Variants in PDE4D observed in about 807,000 individuals in gnomAD.
PDE4D encodes the protein phosphodiesterase 4D, also known as 3',5'-cyclic-AMP phosphodiesterase 4D.
PDE4D carries 24 observed loss-of-function variants against 87.4 expected under a neutral mutation model. That is an observed-to-expected ratio of 0.27 (90% CI 0.20 to 0.39). The LOEUF (loss-of-function observed/expected upper bound fraction) is 0.39, where lower values mean the gene tolerates loss of function less well. Ranked by LOEUF, PDE4D falls within the 10% of genes least tolerant of loss-of-function variation. The pLI, the probability that PDE4D is intolerant of heterozygous loss-of-function variation, is 1.00. For synonymous variants in PDE4D, 384 were observed against 383.2 expected, an observed-to-expected ratio of 1.00 and a Z score of -0.02; for missense variants, 714 against 1,041.0, an observed-to-expected ratio of 0.69 and a Z score of 4.32.
At chr5:59,759,906 G>A (rs576464388) in intron 1 of PDE4D, among the ~76,000 whole-genome samples, 45 of 152,324 alleles carry the variant, frequency 3.0e-4, no homozygotes, top group Middle Eastern at 3.4e-3. Flanking sequence ...AAGAGACAGA[G>A]AAAAGATAAC....
intron 2 of PDE4D, 184 bp downstream of exon 2, chr5:59,215,588 TTAATC>T: frequency 1.8e-6 from 1 of 549,690 alleles, no homozygotes; most frequent in Non-Finnish European, 3.3e-6. Context: ...TGTGTGTGTG[TTAATC>T]AAGAGTGACA....
intron 1 of PDE4D, among the ~76,000 whole-genome samples, chr5:59,288,778 A>G (rs1367181140): frequency 6.6e-6 from 1 of 152,142 alleles, no homozygotes; most frequent in Non-Finnish European, 1.5e-5. Context: ...GAAACCTTAT[A>G]GGGCAGGAGA....
chr5:59,707,232 C>T (rs1196932670), intron 1 of PDE4D, among the ~76,000 whole-genome samples: 2 of 152,068 alleles, frequency 1.3e-5, no homozygotes, highest in Non-Finnish European at 2.9e-5. Flanking sequence ...TCAGAGATAG[C>T]AAATGGAAAA....
intron 1 of PDE4D, among the ~76,000 whole-genome samples, chr5:60,423,207 A>G (rs905716135): frequency 6.6e-6 from 1 of 152,252 alleles, no homozygotes; most frequent in Non-Finnish European, 1.5e-5. Context: ...ATAGACATCT[A>G]CAGAACTCTC....
At chr5:59,846,454 A>T (rs1743864236) in intron 1 of PDE4D, among the ~76,000 whole-genome samples, 1 of 152,032 alleles carries the variant, frequency 6.6e-6, no homozygotes, top group Non-Finnish European at 1.5e-5. Flanking sequence ...TTTCCGTAGA[A>T]ATTCTGACTC....
intron 1 of PDE4D, among the ~76,000 whole-genome samples, chr5:59,459,597 A>T (rs1309674429): frequency 6.6e-6 from 1 of 152,218 alleles, no homozygotes; most frequent in Admixed American, 6.5e-5. Context: ...TGGTCAGATG[A>T]TCCTATGATA....
intron 2 of PDE4D, among the ~76,000 whole-genome samples, chr5:60,048,437 A>G (rs1044644324): frequency 6.6e-6 from 1 of 150,666 alleles, no homozygotes; most frequent in Non-Finnish European, 1.5e-5. Context: ...TTGCTCGTTA[A>G]TCGATGCAGT....
intron 1 of PDE4D, among the ~76,000 whole-genome samples, chr5:59,617,718 T>C (rs1305372437): frequency 1.3e-5 from 2 of 152,190 alleles, no homozygotes; most frequent in African/African-American, 4.8e-5. Flanking sequence ...CCTAGCTCCT[T>C]TACAGGGAGC....
intron 1 of PDE4D, among the ~76,000 whole-genome samples, chr5:60,442,234 T>C (rs1000791920): frequency 1.1e-4 from 16 of 152,142 alleles, no homozygotes; most frequent in Non-Finnish European, 1.9e-4. Flanking sequence ...ATGTGGCACA[T>C]ATATACCATG....
intron 1 of PDE4D, among the ~76,000 whole-genome samples, chr5:60,255,626 T>C (rs1042377504): frequency 1.3e-5 from 2 of 151,840 alleles, no homozygotes; most frequent in African/African-American, 4.8e-5. Flanking sequence ...TATATTGTTA[T>C]AAGAAGTAAA....
chr5:59,120,412 A>G (rs1304083477), intron 5 of PDE4D, among the ~76,000 whole-genome samples: 3 of 152,180 alleles, frequency 2.0e-5, no homozygotes, highest in Non-Finnish European at 2.9e-5. Context: ...ATACATATGA[A>G]TCAAGTCTAT....
intron 5 of PDE4D, among the ~76,000 whole-genome samples, chr5:59,064,710 A>G (rs1763625609): frequency 6.6e-6 from 1 of 152,106 alleles, no homozygotes; most frequent in Non-Finnish European, 1.5e-5. Flanking sequence ...AACTTTTAAA[A>G]ATGTATTTAG....
chr5:60,316,692 C>T (rs1755637572), intron 1 of PDE4D, among the ~76,000 whole-genome samples: 2 of 152,100 alleles, frequency 1.3e-5, no homozygotes, highest in Non-Finnish European at 2.9e-5. Flanking sequence ...GAGTTTTTAG[C>T]ATGAAGGGCT....
At chr5:59,988,478 G>A (rs1455113746) in intron 3 of PDE4D, 2 of 1,536,640 alleles carry the variant, frequency 1.3e-6, no homozygotes, top group Non-Finnish European at 8.9e-7. Flanking sequence ...TGACATCTGA[G>A]GGCACTCACC....
chr5:59,191,501 C>T lies in PDE4D; in HGVS notation c.684+1999G>A, dbSNP rs1051516492. ...GTTCTATGTTTGATGATGTTACTTACATTGTTATGCCATATTTTGTCTGTT... is the reference window on the plus strand; with the variant it reads ...GTTCTATGTTTGATGATGTTACTTATATTGTTATGCCATATTTTGTCTGTT... On this transcript the variant is annotated intron_variant, in intron 3 of 14. Coordinates refer to ENST00000340635, the MANE Select transcript of PDE4D (RefSeq NM_001104631.2). 3.3e-5 allele frequency among the ~76,000 whole-genome samples: 5 copies of T among 152,158 alleles called. No homozygotes were observed. In the East Asian group the frequency reaches 5.8e-4, roughly 18 times the overall value.
At chr5:59,915,194 T>C (rs1753907814) in intron 3 of PDE4D, among the ~76,000 whole-genome samples, 1 of 152,142 alleles carries the variant, frequency 6.6e-6, no homozygotes, top group African/African-American at 2.4e-5. Context: ...AACTCTCTTT[T>C]GTGGCTGAAG....
chr5:59,112,966 A>T (rs1353100905), intron 5 of PDE4D, among the ~76,000 whole-genome samples: 1 of 151,806 alleles, frequency 6.6e-6, no homozygotes, highest in African/African-American at 2.4e-5. Flanking sequence ...ACGCATGGCT[A>T]ATTTTTGTAT....
At chr5:60,340,607 TAAAAAA>T (rs10583972) in intron 1 of PDE4D, among the ~76,000 whole-genome samples, 1 of 138,544 alleles carries the variant, frequency 7.2e-6, no homozygotes, top group Non-Finnish European at 1.6e-5. Context: ...TCACATCATT[TAAAAAA>T]AAAAAAAAAA....
chr5:60,474,809 C>T (rs940793410), intron 1 of PDE4D, among the ~76,000 whole-genome samples: 13 of 152,100 alleles, frequency 8.5e-5, no homozygotes, highest in Non-Finnish European at 1.5e-4. Context: ...TGGAGCTCCT[C>T]CCCTTTCCAG....
Sources: allele counts gnomAD v4.1 joint callset (sites outside exome capture counted in the v4.1 genomes callset), GRCh38; gene constraint gnomAD v4.1.1; transcripts MANE v1.5; gene names NCBI Gene and HGNC (gene_info 2026-07-23, HGNC 2026-07-21).